SLC5A12: variants seen among roughly 807,000 people sequenced by gnomAD.
SLC5A12 encodes the protein solute carrier family 5 member 12, also known as sodium-coupled monocarboxylate transporter 2.
Under a neutral mutation model 72.7 loss-of-function variants are expected in SLC5A12, and 46 were observed. That is an observed-to-expected ratio of 0.63 (90% CI 0.50 to 0.81). The LOEUF (loss-of-function observed/expected upper bound fraction) is 0.81. Among genes scored for constraint, SLC5A12 ranks in the 30% least tolerant of loss-of-function variants. The pLI, the probability that SLC5A12 is intolerant of heterozygous loss-of-function variation, is 0.00. For synonymous variants in SLC5A12, 275 were observed against 264.4 expected, an observed-to-expected ratio of 1.04 and a Z score of -0.39; for missense variants, 683 against 740.7, an observed-to-expected ratio of 0.92 and a Z score of 0.90.
At chr11:26,693,500 G>A (rs755558676) in intron 8 of SLC5A12, among the ~76,000 whole-genome samples, 36 of 152,162 alleles carry the variant, frequency 2.4e-4, no homozygotes, top group Non-Finnish European at 4.6e-4. Flanking sequence ...ACTTGCTTAG[G>A]TGACAGAGGA....
At chr11:26,697,309 A>T in intron 7 of SLC5A12, 57 bp from the exon 8 acceptor site, 1 of 1,481,212 alleles carries the variant, frequency 6.8e-7, no homozygotes, top group Non-Finnish European at 9.2e-7. Flanking sequence ...AAGAAAAGAA[A>T]AGAGAAGAGA....
intron 9 of SLC5A12, among the ~76,000 whole-genome samples, chr11:26,686,762 C>T (rs770751419): frequency 6.6e-5 from 10 of 152,098 alleles, no homozygotes; most frequent in Non-Finnish European, 1.2e-4. Context: ...CCTCATCAGG[C>T]GGAATGAACT....
chr11:26,683,608 G>A, intron 11 of SLC5A12, 149 bp downstream of exon 11: 1 of 571,570 alleles, frequency 1.7e-6, no homozygotes, highest in Non-Finnish European at 3.1e-6. Flanking sequence ...TGAAGTCAGA[G>A]ACAGGTAGAC....
rs1243119141 is a variant in SLC5A12 at position 26,669,196 on chromosome 11, T to TTTCTTTCTTTCTTTCTTTCTTTCTTTCC, written c.*1905_*1906insGGAAAGAAAGAAAGAAAGAAAGAAAGAA. 1.6e-5 allele frequency: 1 copy of TTTCTTTCTTTCTTTCTTTCTTTCTTTCC among 60,870 alleles called. No individual in the cohort carries two copies. The highest frequency in any genetic ancestry group is 4.1e-5 in the Non-Finnish European group (1 of 24,446). 3.8% of individuals were successfully genotyped at this position (60,870 alleles called of 1,614,324 possible). ...CTTTCTTTCTTTCTTCTTTTCTTTC[T>TTTCTTTCTTTCTTTCTTTCTTTCTTTCC]TTCTTTCTTTCTTTCTTTCTTTCTC... is the stretch of plus-strand genomic sequence containing the variant. On this transcript the variant is annotated 3_prime_UTR_variant, in exon 15 of 15. Coordinates refer to ENST00000396005, the MANE Select transcript of SLC5A12 (RefSeq NM_178498.4).
intron 1 of SLC5A12, among the ~76,000 whole-genome samples, chr11:26,717,650 C>T (rs1185568569): frequency 2.0e-5 from 3 of 152,148 alleles, no homozygotes; most frequent in Non-Finnish European, 4.4e-5. Flanking sequence ...TGCTATATAA[C>T]ACTCGCCTCC....
At chr11:26,690,592 C>T (rs12225814) in intron 9 of SLC5A12, among the ~76,000 whole-genome samples, 57,269 of 147,740 alleles carry the variant, frequency 0.39, 13,348 homozygotes, top group Middle Eastern at 0.55. Context: ...CGGGGGATCA[C>T]CTGAGGTTGG....
intron 4 of SLC5A12, among the ~76,000 whole-genome samples, chr11:26,708,227 G>A (rs1037244446): frequency 6.6e-6 from 1 of 152,018 alleles, no homozygotes; most frequent in Non-Finnish European, 1.5e-5. Flanking sequence ...ATTAGAAATT[G>A]TTATATCCAG....
chr11:26,690,853 A>G (rs1854653864), intron 9 of SLC5A12, among the ~76,000 whole-genome samples: 1 of 151,584 alleles, frequency 6.6e-6, no homozygotes, highest in Non-Finnish European at 1.5e-5. Context: ...TAATTTAGAT[A>G]TACTGAATAT....
At position 26,681,170 on chromosome 11, in the gene SLC5A12, T is replaced by C; in HGVS notation, c.1360A>G (p.Ile454Val). ...GGTGCAGGGTAAATGAAGGCCCCAA[T>C]GGCCACCCAAAATGACAAGGTGATT... ...TGITLSFWVA[I>V]GAFIYPAPAS... The change falls in exon 12 of 15, where the codon ATT (isoleucine) becomes GTT (valine). Residue 454 changes from isoleucine to valine, a missense_variant. Ile to Val is a conservative substitution (Grantham distance 29, BLOSUM62 3). Transcript: ENST00000396005. The C allele has an allele frequency of 6.2e-7, 1 of 1,610,910 alleles. No homozygotes were observed. Among genetic ancestry groups the C allele is most frequent in the African/African-American group, 1.3e-5 (1 of 74,940 alleles).
intron 12 of SLC5A12, 33 bp downstream of exon 12, chr11:26,681,022 T>A: frequency 6.5e-7 from 1 of 1,531,618 alleles, no homozygotes. Context: ...ACCCACTCTC[T>A]GGGACTTAGC....
intron 3 of SLC5A12, 36 bp downstream of exon 3, chr11:26,711,271 A>T (rs753815271): frequency 1.3e-6 from 2 of 1,580,468 alleles, no homozygotes; most frequent in Admixed American, 3.4e-5. Flanking sequence ...AGGCATAAAA[A>T]TGGTAAAATA....
At chr11:26,707,420 C>G (rs763525597) in intron 4 of SLC5A12, among the ~76,000 whole-genome samples, 10 of 151,934 alleles carry the variant, frequency 6.6e-5, no homozygotes, top group African/African-American at 2.4e-4. Context: ...TCTATTTATA[C>G]TCTCCTCTGA....
Position 26,719,765 on chromosome 11 carries a change from A to C in SLC5A12, c.339+1611T>G, listed in dbSNP as rs997482456. Among the ~76,000 whole-genome samples, 7 of 152,280 alleles carry C rather than the reference A, an allele frequency of 4.6e-5. No individual in the cohort carries two copies. In the South Asian group the frequency reaches 1.0e-3, roughly 23 times the overall value. ...ATGATCACCCTCTATGAATATGGACATTCTCTACTCATACCAGCATTCCTC... is the reference window on the plus strand; with the variant it reads ...ATGATCACCCTCTATGAATATGGACCTTCTCTACTCATACCAGCATTCCTC... On this transcript the variant is annotated intron_variant, in intron 1 of 14. Coordinates refer to ENST00000396005, the MANE Select transcript of SLC5A12 (RefSeq NM_178498.4).
At chr11:26,703,446 ACCCC>A (rs1554994287) in intron 6 of SLC5A12, 81 bp downstream of exon 6, 27,092 of 1,087,256 alleles carry the variant, frequency 0.025, 255 homozygotes, top group East Asian at 0.1. Context: ...ACACACACAC[ACCCC>A]CCAAGAGGAA....
chr11:26,680,061 A>G (rs1332553052), intron 12 of SLC5A12, among the ~76,000 whole-genome samples: 1 of 151,928 alleles, frequency 6.6e-6, no homozygotes, highest in African/African-American at 2.4e-5. Flanking sequence ...AGAGACTTTC[A>G]TGAATGCAAT....
intron 3 of SLC5A12, among the ~76,000 whole-genome samples, chr11:26,710,738 T>C (rs1373054532): frequency 6.6e-6 from 1 of 152,096 alleles, no homozygotes; most frequent in Non-Finnish European, 1.5e-5. Flanking sequence ...AGCTCTTATC[T>C]AAACCTCACT....
chr11:26,716,211 G>A (rs1237889781), intron 1 of SLC5A12: 3 of 152,152 alleles, frequency 2.0e-5, no homozygotes, highest in Non-Finnish European at 4.4e-5. Flanking sequence ...TTTCAGTTAA[G>A]TTCCACTCAA....
chr11:26,686,652 G>T lies in SLC5A12; in HGVS notation c.1154-108C>A, dbSNP rs1008151027. The T allele has an allele frequency of 7.7e-6, 7 of 910,864 alleles. No homozygotes were observed. In the African/African-American group the frequency reaches 8.2e-5, roughly 11 times the overall value. The allele number at this position is 910,864 out of a possible 1,614,324, so 56.4% of individuals were successfully genotyped here. On this transcript the variant is annotated intron_variant, in intron 9 of 14. Coordinates refer to ENST00000396005, the MANE Select transcript of SLC5A12 (RefSeq NM_178498.4). The stretch of plus-strand genomic sequence containing the variant: ...TCTCTGATCCAAGCCCTTTGCAAAG[G>T]GATCTCAGCGAGGACCATCCTCCCC...
chr11:26,698,558 A>G (rs372353956), intron 6 of SLC5A12, 23 bp from the exon 7 acceptor site: 34 of 1,613,028 alleles, frequency 2.1e-5, no homozygotes, highest in Non-Finnish European at 2.5e-5. Context: ...ACATGGGCCT[A>G]TTGGTAGCCT....
Sources: allele counts gnomAD v4.1 joint callset (sites outside exome capture counted in the v4.1 genomes callset), GRCh38; gene constraint gnomAD v4.1.1; transcripts MANE v1.5; gene names NCBI Gene and HGNC (gene_info 2026-07-23, HGNC 2026-07-21).